Variants in PTPRN2 observed in about 807,000 individuals in gnomAD.
The protein encoded by PTPRN2 is protein tyrosine phosphatase receptor type N2.
In PTPRN2, 74 loss-of-function variants were observed where a neutral mutation model predicts 118.8. The ratio of observed to expected loss-of-function variants is 0.62; its 90% confidence interval spans 0.52 to 0.76. The LOEUF (loss-of-function observed/expected upper bound fraction) is 0.76. PTPRN2 is among the 30% of genes least tolerant of loss of function. PTPRN2 has a pLI of 0.00. For missense variants in PTPRN2, 1,481 were observed against 1,394.4 expected (o/e 1.06, Z -0.99); for synonymous variants, 641 against 608.0 (o/e 1.05, Z -0.80).
intron 12 of PTPRN2, among the ~76,000 whole-genome samples, chr7:157,818,467 A>G (rs1231256854): frequency 1.3e-5 from 2 of 150,806 alleles, no homozygotes; most frequent in African/African-American, 5.0e-5. Context: ...CAGGTGCCCA[A>G]GCTACATCTT....
At chr7:158,048,878 C>CCACCACCATCACCATCATCACCATAT (rs1285611917) in intron 11 of PTPRN2, among the ~76,000 whole-genome samples, 1 of 151,024 alleles carries the variant, frequency 6.6e-6, no homozygotes, top group African/African-American at 2.4e-5. Context: ...CATCACATTA[C>CCACCACCATCACCATCATCACCATAT]CACCACCATC....
chr7:157,899,246 T>C (rs1797305008), intron 11 of PTPRN2, among the ~76,000 whole-genome samples: 1 of 152,170 alleles, frequency 6.6e-6, no homozygotes, highest in African/African-American at 2.4e-5. Context: ...CCTATAATAA[T>C]TTCGCTCCAA....
chr7:158,383,311 A>G (rs1811103331), intron 2 of PTPRN2, among the ~76,000 whole-genome samples: 1 of 152,234 alleles, frequency 6.6e-6, no homozygotes, highest in African/African-American at 2.4e-5. Context: ...TAGTGAATGT[A>G]TCTATTTGAT....
chr7:158,029,006 C>G (rs940901956), intron 11 of PTPRN2: 1 of 152,352 alleles, frequency 6.6e-6, no homozygotes, highest in African/African-American at 2.4e-5. Context: ...CATGTTCAAA[C>G]CAGCACATGG....
intron 3 of PTPRN2, among the ~76,000 whole-genome samples, chr7:158,257,366 T>C (rs2150912477): frequency 6.6e-6 from 1 of 152,282 alleles, no homozygotes; most frequent in South Asian, 2.1e-4. Context: ...CATCCCAGAT[T>C]TGGCTGATTC....
intron 2 of PTPRN2, among the ~76,000 whole-genome samples, chr7:158,403,623 C>T (rs541143156): frequency 6.6e-6 from 1 of 152,280 alleles, no homozygotes; most frequent in African/African-American, 2.4e-5. Flanking sequence ...CGCTGCCTGT[C>T]GGACTGGAAG....
chr7:158,447,677 C>T (rs539221559), intron 2 of PTPRN2, among the ~76,000 whole-genome samples: 8 of 152,352 alleles, frequency 5.3e-5, no homozygotes, highest in African/African-American at 1.7e-4. Context: ...GGAAAGCAAA[C>T]ATCCCTCCAA....
rs1476806069 is a variant in PTPRN2 at position 157,787,272 on chromosome 7, C to G, written c.1789-104335G>C. Among the ~76,000 whole-genome samples the G allele has an allele frequency of 6.6e-6, 1 of 152,166 alleles. No homozygotes were observed. Among genetic ancestry groups the G allele is most frequent in the African/African-American group, 2.4e-5 (1 of 41,462 alleles). ...CCCGCGTGCCAGTGGATGCCCACAA[C>G]CCCTCTGGGGTGTCGGGGATCAGGT... On this transcript the variant is annotated intron_variant, in intron 12 of 22. Transcript: ENST00000389418. This position sits in a 1 kb window ranked among gnomAD's most constrained non-coding sequence, Gnocchi z 5.3.
chr7:157,731,680 T>C (rs1159950605), intron 12 of PTPRN2, among the ~76,000 whole-genome samples: 1 of 19,948 alleles, frequency 5.0e-5, no homozygotes, highest in Non-Finnish European at 9.3e-5. Context: ...AGTTACCCTT[T>C]CCCGTCCCAC....
chr7:158,331,208 C>T (rs1586300091), intron 2 of PTPRN2, among the ~76,000 whole-genome samples: 2 of 148,484 alleles, frequency 1.3e-5, no homozygotes, highest in Admixed American at 6.7e-5. Context: ...CTCACACCCA[C>T]ACTCTCACCA....
intron 9 of PTPRN2, among the ~76,000 whole-genome samples, chr7:158,123,944 CGA>C (rs1817397195): frequency 1.3e-5 from 2 of 149,544 alleles, no homozygotes; most frequent in Non-Finnish European, 3.0e-5. Flanking sequence ...GATCCCGTGC[CGA>C]CCCAGGCGGA....
intron 13 of PTPRN2, among the ~76,000 whole-genome samples, chr7:157,661,717 G>A (rs946709058): frequency 6.6e-6 from 1 of 152,222 alleles, no homozygotes; most frequent in Non-Finnish European, 1.5e-5. Flanking sequence ...GGTGTCTGGG[G>A]CTGAAGCCCC....
chr7:158,289,519 A>G (rs931328346), intron 3 of PTPRN2, among the ~76,000 whole-genome samples: 1 of 152,192 alleles, frequency 6.6e-6, no homozygotes, highest in African/African-American at 2.4e-5. Context: ...AAAATAATTT[A>G]TACCTCTCTG....
At chr7:157,847,112 G>A (rs1808883984) in intron 12 of PTPRN2, among the ~76,000 whole-genome samples, 2 of 140,676 alleles carry the variant, frequency 1.4e-5, no homozygotes, top group Admixed American at 7.1e-5. Flanking sequence ...TCCATCATGT[G>A]TGCCCGATGT....
chr7:158,306,074 T>C (rs1042164776), intron 3 of PTPRN2, among the ~76,000 whole-genome samples: 1 of 152,226 alleles, frequency 6.6e-6, no homozygotes, highest in Admixed American at 6.5e-5. Context: ...GGAAAGGCTG[T>C]CTTTATTTCA....
At chr7:158,146,286 C>A (rs1047375979) in intron 6 of PTPRN2, among the ~76,000 whole-genome samples, 3 of 152,084 alleles carry the variant, frequency 2.0e-5, no homozygotes, top group African/African-American at 7.2e-5. Context: ...AAAATGTTAA[C>A]CTATATTTAA....
chr7:158,179,696 C>G (rs190981660), intron 5 of PTPRN2, among the ~76,000 whole-genome samples: 2 of 152,242 alleles, frequency 1.3e-5, no homozygotes, highest in Admixed American at 1.3e-4. Flanking sequence ...AGGCAGGACT[C>G]AACTTCAGAG....
chr7:158,097,725 C>T (rs1814753075), intron 10 of PTPRN2, among the ~76,000 whole-genome samples: 3 of 152,226 alleles, frequency 2.0e-5, no homozygotes, highest in South Asian at 4.1e-4. Flanking sequence ...CGGTCACTGC[C>T]GGTCTGCTGG....
rs1824783731 is a variant in PTPRN2, at chr7:158,526,376, A to G, written c.113-36591T>C. Among the ~76,000 whole-genome samples the G allele has an allele frequency of 2.0e-5, 3 of 152,204 alleles. No homozygotes were observed. The highest frequency in any genetic ancestry group is 1.3e-4 in the Admixed American group (2 of 15,276). ...GAGATAACCAGGTAGAGCCACGCTCACGAGAACCACCAGCCACTCTGAGCT... is the reference window on the plus strand; with the variant it reads ...GAGATAACCAGGTAGAGCCACGCTCGCGAGAACCACCAGCCACTCTGAGCT... On this transcript the variant is annotated intron_variant, in intron 1 of 22. Coordinates refer to ENST00000389418, the MANE Select transcript of PTPRN2 (RefSeq NM_002847.5). This position sits in a 1 kb window ranked among gnomAD's most constrained non-coding sequence, Gnocchi z 5.2.
Sources: allele counts gnomAD v4.1 joint callset (sites outside exome capture counted in the v4.1 genomes callset), GRCh38; gene constraint gnomAD v4.1.1; non-coding constraint Gnocchi (gnomAD v3.1); transcripts MANE v1.5; gene names NCBI Gene and HGNC (gene_info 2026-07-23, HGNC 2026-07-21).